NEO1: variants seen among roughly 807,000 people sequenced by gnomAD.
The protein encoded by NEO1 is neogenin 1, also known as neogenin.
A neutral mutation model predicts 159.7 loss-of-function variants in NEO1; 63 were observed. The observed-to-expected ratio is 0.39, with a 90% CI of 0.32 to 0.49. The LOEUF (loss-of-function observed/expected upper bound fraction) is 0.49, where lower values mean the gene tolerates loss of function less well. Ranked by LOEUF, NEO1 falls within the 20% of genes least tolerant of loss-of-function variation. NEO1 has a pLI of 0.85. For missense variants in NEO1, 1,615 were observed against 1,831.0 expected, an observed-to-expected ratio of 0.88 and a Z score of 2.15; for synonymous variants, 633 against 662.0, an observed-to-expected ratio of 0.96 and a Z score of 0.67.
At position 73,261,055 on chromosome 15, in the gene NEO1, CT is replaced by C. The variant is rs2040597129; in HGVS notation, c.2398+591del. On this transcript the variant is annotated intron_variant, in intron 15 of 28. Coordinates refer to ENST00000261908, the MANE Select transcript of NEO1 (RefSeq NM_002499.4). Reference sequence around the variant, plus strand: ...GATAAGGAAGAACTTTCTTTCACCCCTATGAAGAGAATGGCCAATGGGAATC... The same window carrying C: ...GATAAGGAAGAACTTTCTTTCACCCCATGAAGAGAATGGCCAATGGGAATC... Among the ~76,000 whole-genome samples, 4 of 152,086 alleles carry C rather than the reference CT, an allele frequency of 2.6e-5. No individual in the cohort carries two copies. The South Asian group carries it at 8.3e-4, about 32-fold the overall frequency.
chr15:73,215,250 C>T (rs1303710864), intron 7 of NEO1, among the ~76,000 whole-genome samples: 2 of 152,088 alleles, frequency 1.3e-5, no homozygotes, highest in Admixed American at 6.6e-5. Context: ...TCCTCTTTAC[C>T]GATTTGGATG....
At chr15:73,211,033 G>A (rs1379642402) in intron 7 of NEO1, among the ~76,000 whole-genome samples, 2 of 152,170 alleles carry the variant, frequency 1.3e-5, no homozygotes, top group African/African-American at 4.8e-5. Flanking sequence ...AATGACCAGA[G>A]CTTAGAAATA....
intron 1 of NEO1, among the ~76,000 whole-genome samples, chr15:73,084,676 G>A (rs1191739976): frequency 2.0e-5 from 3 of 152,132 alleles, no homozygotes; most frequent in African/African-American, 7.2e-5. Context: ...TGGTGGGATT[G>A]CTGGATCATA....
chr15:73,193,095 G>A (rs369340050), intron 7 of NEO1, among the ~76,000 whole-genome samples: 2 of 152,076 alleles, frequency 1.3e-5, no homozygotes, highest in East Asian at 3.9e-4. Flanking sequence ...AGTTAATATA[G>A]CATTTTTTTC....
At chr15:73,244,222 T>C in intron 8 of NEO1, 122 bp from the exon 9 acceptor site, 1 of 1,129,612 alleles carries the variant, frequency 8.9e-7, no homozygotes, top group Non-Finnish European at 1.2e-6. Flanking sequence ...CCCAAAAGCT[T>C]CATTGTTTGA....
At chr15:73,258,614 G>C in intron 13 of NEO1, 152 bp from the exon 14 acceptor site, 1 of 585,122 alleles carries the variant, frequency 1.7e-6, no homozygotes, top group Non-Finnish European at 3.0e-6. Context: ...TGTTGTATTT[G>C]CATTTTGCCT....
chr15:73,147,817 CT>C (rs34612116), intron 5 of NEO1, among the ~76,000 whole-genome samples: 91,963 of 139,616 alleles, frequency 0.66, 30,425 homozygotes, highest in African/African-American at 0.84. Context: ...GGTGGAATGT[CT>C]TTTTTTTTTT....
intron 7 of NEO1, among the ~76,000 whole-genome samples, chr15:73,195,003 G>A (rs1265509767): frequency 6.6e-6 from 1 of 152,128 alleles, no homozygotes; most frequent in East Asian, 1.9e-4. Flanking sequence ...TGAATAATTT[G>A]TTTGATGTTG....
rs2040393340 is a variant in NEO1, at chr15:73,257,121, G to C, written c.2093-1645G>C. 4.0e-5 allele frequency among the ~76,000 whole-genome samples: 3 copies of C among 74,104 alleles called. No individual in the cohort carries two copies. The South Asian group carries it at 1.8e-3, about 45-fold the overall frequency. 48.6% of individuals were successfully genotyped at this position (74,104 alleles called of 152,430 possible). On this transcript the variant is annotated intron_variant, in intron 13 of 28. Coordinates refer to ENST00000261908, the MANE Select transcript of NEO1 (RefSeq NM_002499.4). ...CACTCTAGCCTGGGCAACAGAGAGA[G>C]ACTCTGTCTCCAAAAAAAAAAAAAA...
rs564132012 is a variant in NEO1 at position 73,290,067 on chromosome 15, T to G, written c.3742+829T>G. ...GGAAGGATTACTTGAACCCAGCGTTTAAGGTTGCATTGAGCTATGATTTTG... is the reference window on the plus strand; with the variant it reads ...GGAAGGATTACTTGAACCCAGCGTTGAAGGTTGCATTGAGCTATGATTTTG... On this transcript the variant is annotated intron_variant, in intron 25 of 28. Coordinates refer to ENST00000261908, the MANE Select transcript of NEO1 (RefSeq NM_002499.4). 2.0e-5 allele frequency among the ~76,000 whole-genome samples: 3 copies of G among 152,158 alleles called. No individual in the cohort carries two copies. The East Asian group carries it at 5.8e-4, about 29-fold the overall frequency.
At chr15:73,211,276 A>C (rs115251094) in intron 7 of NEO1, among the ~76,000 whole-genome samples, 1 of 152,318 alleles carries the variant, frequency 6.6e-6, no homozygotes, top group African/African-American at 2.4e-5. Context: ...ACTAAGGAAA[A>C]CAAATGGGAT....
chr15:73,263,405 G>C (rs148903635), intron 15 of NEO1, among the ~76,000 whole-genome samples: 2,061 of 152,136 alleles, frequency 0.014, 19 homozygotes, highest in South Asian at 0.017. Flanking sequence ...TGTTGCCCCA[G>C]GCTGGTCTCA....
intron 5 of NEO1, among the ~76,000 whole-genome samples, chr15:73,154,723 T>C (rs1004444140): frequency 6.6e-6 from 1 of 152,192 alleles, no homozygotes. Context: ...CCCTTTTACT[T>C]TCAGTCTATG....
chr15:73,060,804 G>T (rs2067939256), intron 1 of NEO1, among the ~76,000 whole-genome samples: 2 of 150,508 alleles, frequency 1.3e-5, no homozygotes, highest in South Asian at 4.2e-4. Flanking sequence ...GCCTCACCAT[G>T]CCCAGCTAAT....
intron 22 of NEO1, among the ~76,000 whole-genome samples, chr15:73,280,988 G>A (rs563062623): frequency 2.0e-5 from 3 of 151,742 alleles, no homozygotes; most frequent in Admixed American, 6.6e-5. Context: ...GGCAGATCAC[G>A]AGGTCAGGAG....
chr15:73,297,795 G>GT (rs2042436003), intron 26 of NEO1, among the ~76,000 whole-genome samples: 2 of 152,236 alleles, frequency 1.3e-5, no homozygotes, highest in Admixed American at 1.3e-4. Flanking sequence ...GGGCTGCTCT[G>GT]TTTGTTGTCC....
At chr15:73,263,254 C>T (rs1202820919) in intron 15 of NEO1, among the ~76,000 whole-genome samples, 6 of 144,410 alleles carry the variant, frequency 4.2e-5, no homozygotes, top group African/African-American at 1.3e-4. Context: ...AGGGCAGTGG[C>T]GCGATCTCAG....
intron 5 of NEO1, among the ~76,000 whole-genome samples, chr15:73,174,662 C>T (rs144474778): frequency 1.0e-3 from 157 of 152,292 alleles, no homozygotes; most frequent in African/African-American, 3.7e-3. Flanking sequence ...TCCATATCCA[C>T]TACTGCAAAG....
Position 73,054,888 on chromosome 15 carries a change from T to A in NEO1, c.130+2083T>A, listed in dbSNP as rs116353503. Among the ~76,000 whole-genome samples, 1,148 of 152,292 alleles carry A rather than the reference T, an allele frequency of 7.5e-3. 6 individuals carry two copies. The highest frequency in any genetic ancestry group is 0.025 in the African/African-American group (1,047 of 41,568). On this transcript the variant is annotated intron_variant, in intron 1 of 28. Coordinates refer to ENST00000261908, the MANE Select transcript of NEO1 (RefSeq NM_002499.4). ...AGATGTCCTTTGTCAGTAGTTTTAT[T>A]TTTTTTATTTTTGTAGAGTGATAGA... is the stretch of plus-strand genomic sequence containing the variant.
Sources: allele counts gnomAD v4.1 joint callset (sites outside exome capture counted in the v4.1 genomes callset), GRCh38; gene constraint gnomAD v4.1.1; transcripts MANE v1.5; gene names NCBI Gene and HGNC (gene_info 2026-07-23, HGNC 2026-07-21).